The following TMLHE variants were observed in gnomAD, a reference collection of about 807,000 sequenced individuals.
The protein encoded by TMLHE is trimethyllysine dioxygenase, mitochondrial.
In TMLHE, 18 loss-of-function variants were observed where a neutral mutation model predicts 25.7. The observed-to-expected ratio is 0.70, with a 90% confidence interval of 0.48 to 1.04. TMLHE has a LOEUF of 1.04. Among genes scored for constraint, TMLHE ranks in the 50% least tolerant of loss-of-function variants. The pLI is 0.00. For synonymous variants in TMLHE, 105 were observed against 97.0 expected, an observed-to-expected ratio of 1.08 and a Z score of -0.49; for missense variants, 236 against 259.0, an observed-to-expected ratio of 0.91 and a Z score of 0.61.
At position 155,572,817 on chromosome X, in the gene TMLHE, C is replaced by A. The variant is rs1162616807; in HGVS notation, c.-1-27540G>T. Among the ~76,000 whole-genome samples, 2 of 56,642 alleles carry A rather than the reference C, an allele frequency of 3.5e-5. 1 individual carries two copies. Among genetic ancestry groups the A allele is most frequent in the Non-Finnish European group, 9.2e-5 (2 of 21,681 alleles). 49.2% of individuals were successfully genotyped at this position (56,642 alleles called of 115,157 possible). On this transcript the variant is annotated intron_variant, in intron 1 of 7. Transcript: ENST00000334398. Reference sequence around the variant, plus strand: ...GCTGAAACTGGATCCCTTCCTTACACCTTATACAAAAATTAATTCAAGATG... The same window carrying A: ...GCTGAAACTGGATCCCTTCCTTACAACTTATACAAAAATTAATTCAAGATG...
At chrX:155,553,374 A>ATAAT (rs782483062) in intron 1 of TMLHE, among the ~76,000 whole-genome samples, 4 of 109,665 alleles carry the variant, frequency 3.6e-5, no homozygotes, top group Non-Finnish European at 7.6e-5. Flanking sequence ...ACAAATCAGA[A>ATAAT]TAATTGTATC....
At chrX:155,514,417 G>T in intron 3 of TMLHE, 152 bp from the exon 4 acceptor site, 1 of 554,780 alleles carries the variant, frequency 1.8e-6, no homozygotes, top group Non-Finnish European at 2.7e-6. Flanking sequence ...TGCCTAGAAT[G>T]TTTCTGAGAA....
At chrX:155,589,921 C>T (rs936731947) in intron 1 of TMLHE, among the ~76,000 whole-genome samples, 9 of 111,286 alleles carry the variant, frequency 8.1e-5, no homozygotes, top group East Asian at 2.8e-4. Context: ...TATTTTGTAT[C>T]GGTAAGAAAA....
intron 5 of TMLHE, among the ~76,000 whole-genome samples, chrX:155,509,880 T>G (rs1557333161): frequency 8.9e-6 from 1 of 111,754 alleles, no homozygotes; most frequent in Non-Finnish European, 1.9e-5. Context: ...ACCACAGAGG[T>G]GCCTCTACTG....
intron 2 of TMLHE, among the ~76,000 whole-genome samples, chrX:155,528,217 G>A (rs1488551342): frequency 9.1e-6 from 1 of 109,916 alleles, no homozygotes; most frequent in Non-Finnish European, 1.9e-5. Context: ...TATACTAGAT[G>A]GCAATCAGCA....
chrX:155,611,248 T>C (rs1483108407), intron 1 of TMLHE, among the ~76,000 whole-genome samples: 4 of 110,937 alleles, frequency 3.6e-5, no homozygotes, highest in African/African-American at 1.3e-4. Flanking sequence ...GGCAGGTGCA[T>C]GTACAGCCCA....
At position 155,568,226 on chromosome X, in the gene TMLHE, G is replaced by A. The variant is rs1360494394; in HGVS notation, c.-1-22949C>T. Among the ~76,000 whole-genome samples the A allele has an allele frequency of 3.3e-4, 20 of 61,522 alleles. 3 individuals are homozygous for A. Among genetic ancestry groups the A allele is most frequent in the African/African-American group, 3.2e-4 (9 of 27,804 alleles). 53.4% of individuals were successfully genotyped at this position (61,522 alleles called of 115,157 possible). ...GAGGGTCCTACGCCCACGGAGTCTC[G>A]CTGATTGCTACCACAGCAGTCTGAG... On this transcript the variant is annotated intron_variant, in intron 1 of 7. Transcript: ENST00000334398.
intron 1 of TMLHE, among the ~76,000 whole-genome samples, chrX:155,589,927 G>A (rs781921279): frequency 3.6e-5 from 4 of 111,666 alleles, no homozygotes; most frequent in Middle Eastern, 4.7e-3. Context: ...GTATCGGTAA[G>A]AAAAAGAAGA....
intron 1 of TMLHE, among the ~76,000 whole-genome samples, chrX:155,571,852 T>C (rs1328229819): frequency 3.7e-5 from 2 of 53,501 alleles, no homozygotes; most frequent in African/African-American, 9.0e-5. Flanking sequence ...ATAAGAGCTA[T>C]CTATGACAAA....
intron 1 of TMLHE, among the ~76,000 whole-genome samples, chrX:155,558,433 C>T (rs1203111083): frequency 2.7e-5 from 3 of 111,648 alleles, no homozygotes; most frequent in Non-Finnish European, 5.7e-5. Flanking sequence ...ATATGTCTTT[C>T]CCCCTAATAA....
chrX:155,559,794 A>G (rs2067482321), intron 1 of TMLHE, among the ~76,000 whole-genome samples: 1 of 112,012 alleles, frequency 8.9e-6, no homozygotes. Flanking sequence ...TACCTGGCCT[A>G]TTGCCATAGA....
At chrX:155,557,140 T>C (rs1557341014) in intron 1 of TMLHE, among the ~76,000 whole-genome samples, 2 of 111,931 alleles carry the variant, frequency 1.8e-5, no homozygotes, top group Non-Finnish European at 3.8e-5. Context: ...TGAGACGATA[T>C]ACATCCTTCT....
At chrX:155,522,219 T>G (rs2067192270) in intron 3 of TMLHE, among the ~76,000 whole-genome samples, 3 of 112,268 alleles carry the variant, frequency 2.7e-5, no homozygotes, top group Non-Finnish European at 5.6e-5. Context: ...ATAAGCATGT[T>G]TTTTCCTCCA....
intron 2 of TMLHE, among the ~76,000 whole-genome samples, chrX:155,528,766 A>G (rs995173857): frequency 2.7e-5 from 3 of 111,312 alleles, no homozygotes; most frequent in African/African-American, 6.5e-5. Context: ...TATCTTTGCC[A>G]TTGTAAATTG....
intron 1 of TMLHE, among the ~76,000 whole-genome samples, chrX:155,607,938 T>C (rs782096937): frequency 2.5e-4 from 28 of 112,089 alleles, no homozygotes; most frequent in Non-Finnish European, 4.9e-4. Flanking sequence ...AATCATTCCA[T>C]GCTCACGGAT....
intron 1 of TMLHE, among the ~76,000 whole-genome samples, chrX:155,578,774 C>T (rs2067606872): frequency 9.0e-6 from 1 of 110,854 alleles, no homozygotes; most frequent in African/African-American, 3.3e-5. Flanking sequence ...CTCTGGGGTT[C>T]AAGGACAGGC....
intron 1 of TMLHE, among the ~76,000 whole-genome samples, chrX:155,549,663 G>A (rs1436473042): frequency 1.8e-5 from 2 of 109,726 alleles, no homozygotes; most frequent in African/African-American, 3.4e-5. Flanking sequence ...GATACATGAG[G>A]AATACATGGT....
chrX:155,505,187 G>T (rs368697963), intron 6 of TMLHE, among the ~76,000 whole-genome samples: 1 of 111,716 alleles, frequency 9.0e-6, no homozygotes, highest in South Asian at 3.7e-4. Context: ...GATAAAGCAA[G>T]TATAGAAATA....
intron 3 of TMLHE, among the ~76,000 whole-genome samples, chrX:155,523,826 C>A (rs936180278): frequency 3.6e-5 from 4 of 112,094 alleles, no homozygotes; most frequent in African/African-American, 1.3e-4. Context: ...TCTTTGATTT[C>A]TTTCATCAGC....
Sources: gnomAD v4.1 joint callset for allele counts (sites outside exome capture counted in the v4.1 genomes callset) on GRCh38, gnomAD v4.1.1 for gene constraint, MANE v1.5 for transcripts, NCBI Gene and HGNC (gene_info 2026-07-23, HGNC 2026-07-21) for gene names.